Variants in NACC2 observed in about 807,000 individuals in gnomAD.
The protein encoded by NACC2 is nucleus accumbens-associated protein 2.
In NACC2, 8 loss-of-function variants were observed where a neutral mutation model predicts 25.1. That is an observed-to-expected ratio of 0.32 (90% CI 0.19 to 0.57). The LOEUF is 0.57. Ranked by LOEUF, NACC2 falls within the 20% of genes least tolerant of loss-of-function variation. The pLI, the probability that NACC2 is intolerant of heterozygous loss-of-function variation, is 0.89. For missense variants in NACC2, 644 were observed against 650.2 expected, an observed-to-expected ratio of 0.99 and a Z score of 0.10; for synonymous variants, 435 against 294.7, an observed-to-expected ratio of 1.48 and a Z score of -4.88.
intron 1 of NACC2, among the ~76,000 whole-genome samples, chr9:136,076,093 C>G (rs1055192849): frequency 2.1e-4 from 32 of 152,174 alleles, no homozygotes; most frequent in African/African-American, 7.7e-4. Context: ...AAACAGGCAC[C>G]CTTCGCGGCC....
At chr9:136,094,705 G>A (rs1331513354) in intron 1 of NACC2, among the ~76,000 whole-genome samples, 3 of 151,866 alleles carry the variant, frequency 2.0e-5, no homozygotes, top group African/African-American at 7.3e-5. Flanking sequence ...GGCCCGGCTG[G>A]GCCAGGCAGC....
chr9:136,050,679 A>G, intron 1 of NACC2, 99 bp from the exon 2 acceptor site: 2 of 639,898 alleles, frequency 3.1e-6, no homozygotes. Flanking sequence ...GGGGCTTACA[A>G]AGAGCGAGCC....
chr9:136,016,784 G>A (rs1206261228), intron 2 of NACC2, among the ~76,000 whole-genome samples: 2 of 152,218 alleles, frequency 1.3e-5, no homozygotes, highest in Non-Finnish European at 2.9e-5. Context: ...CCGGGCAGGA[G>A]TGACAGCTCA....
chr9:136,024,546 GAGGACAGTGTGTGTA>G (rs1840358665), intron 2 of NACC2, among the ~76,000 whole-genome samples: 2 of 129,804 alleles, frequency 1.5e-5, no homozygotes, highest in African/African-American at 5.6e-5. Context: ...CAGTGTGTGT[GAGGACAGTGTGTGTA>G]AGGACAGAGT....
chr9:136,075,900 C>T (rs1281638246), intron 1 of NACC2, among the ~76,000 whole-genome samples: 5 of 152,176 alleles, frequency 3.3e-5, no homozygotes, highest in African/African-American at 1.2e-4. Context: ...TACAAAGCGC[C>T]CAGGAGCAGC....
chr9:136,019,742 G>A lies in NACC2; in HGVS notation c.887-3313C>T, dbSNP rs1164815935. ...ACCACACGGGGCGAAGCAAACACAA[G>A]GACAAATGCTGCCCGGGGCGCGGGG... is the stretch of plus-strand genomic sequence containing the variant. On this transcript the variant is annotated intron_variant, in intron 2 of 5. Transcript: ENST00000277554. The surrounding 1 kb of genome is among the most constrained non-coding windows in gnomAD (Gnocchi z 5.2). 2.0e-5 allele frequency among the ~76,000 whole-genome samples: 3 copies of A among 152,270 alleles called. No homozygotes were observed. The East Asian group carries it at 5.8e-4, about 29-fold the overall frequency.
At chr9:136,064,023 T>C (rs771946911) in intron 1 of NACC2, among the ~76,000 whole-genome samples, 1 of 151,988 alleles carries the variant, frequency 6.6e-6, no homozygotes, top group Non-Finnish European at 1.5e-5. Context: ...GCGTGGTAAC[T>C]CAGGCCTATA....
intron 1 of NACC2, among the ~76,000 whole-genome samples, chr9:136,080,915 C>T (rs1402264430): frequency 1.3e-5 from 2 of 152,194 alleles, no homozygotes; most frequent in African/African-American, 4.8e-5. Context: ...AAGCCCCAGC[C>T]GCTCGAGTAG....
intron 2 of NACC2, among the ~76,000 whole-genome samples, chr9:136,044,263 C>G (rs1044482417): frequency 3.0e-4 from 46 of 152,174 alleles, no homozygotes; most frequent in Non-Finnish European, 6.3e-4. Context: ...CACCTGTAAT[C>G]GCAGCTTTTT....
rs1351107051 is a variant in NACC2, at chr9:136,018,923, C to A, written c.887-2494G>T. ...TTCCCCATCCACAACCACCTCGTCT[C>A]GAGATGTTTTTCTAAACAGCAGAAG... On this transcript the variant is annotated intron_variant, in intron 2 of 5. Transcript: ENST00000277554. This position sits in a 1 kb window ranked among gnomAD's most constrained non-coding sequence, Gnocchi z 4.4. Among the ~76,000 whole-genome samples, 1 of 152,154 alleles carries A rather than the reference C, an allele frequency of 6.6e-6. No individual in the cohort carries two copies. Among genetic ancestry groups the A allele is most frequent in the Non-Finnish European group, 1.5e-5 (1 of 68,026 alleles).
intron 1 of NACC2, among the ~76,000 whole-genome samples, chr9:136,089,771 CT>C (rs397789617): frequency 0.049 from 7,084 of 145,598 alleles, 521 homozygotes; most frequent in African/African-American, 0.17. Context: ...TTCTTAAAAG[CT>C]TTTTTTTTTT....
At chr9:136,063,867 G>A (rs10858214) in intron 1 of NACC2, among the ~76,000 whole-genome samples, 41,608 of 144,620 alleles carry the variant, frequency 0.29, 6,708 homozygotes, top group Non-Finnish European at 0.37. Context: ...CTGGGAAACA[G>A]AGCGAGACTC....
chr9:136,037,348 C>T (rs1036372002), intron 2 of NACC2, among the ~76,000 whole-genome samples: 13 of 151,918 alleles, frequency 8.6e-5, no homozygotes, highest in Non-Finnish European at 1.2e-4. Context: ...CTCAGCCTCC[C>T]GAGTAGCTGG....
intron 1 of NACC2, among the ~76,000 whole-genome samples, chr9:136,090,528 T>C (rs568021346): frequency 1.2e-3 from 186 of 152,134 alleles, no homozygotes; most frequent in Non-Finnish European, 2.3e-3. Context: ...GGGTGGGGGC[T>C]GGGTTGCTAG....
chr9:136,094,878 C>T (rs550705816), intron 1 of NACC2, among the ~76,000 whole-genome samples: 35 of 150,978 alleles, frequency 2.3e-4, no homozygotes, highest in African/African-American at 6.5e-4. Context: ...GGGAGCGCCC[C>T]GGGACGCCCG....
chr9:136,039,609 G>A (rs908335471), intron 2 of NACC2, among the ~76,000 whole-genome samples: 2 of 152,144 alleles, frequency 1.3e-5, no homozygotes, highest in African/African-American at 4.8e-5. Context: ...AGCAATATAT[G>A]TAAACACTGT....
chr9:136,009,960 C>T lies in NACC2; in HGVS notation c.*1556G>A, dbSNP rs1407615474. 6.6e-6 allele frequency: 1 copy of T among 152,182 alleles called. No homozygotes were observed. Among genetic ancestry groups the T allele is most frequent in the Non-Finnish European group, 1.5e-5 (1 of 68,078 alleles). 9.4% of individuals were successfully genotyped at this position (152,182 alleles called of 1,614,324 possible). Reference sequence around the variant, plus strand: ...TCAAGTCTTGGGATGGGGGGTTCTTCTGGCCACACCTGGGAAGGAGGGCTG... The same window carrying T: ...TCAAGTCTTGGGATGGGGGGTTCTTTTGGCCACACCTGGGAAGGAGGGCTG... On this transcript the variant is annotated 3_prime_UTR_variant, in exon 6 of 6. Transcript: ENST00000277554.
rs562029761 is a variant in NACC2 at position 136,092,687 on chromosome 9, C to T, written c.-60+2502G>A. Among the ~76,000 whole-genome samples, 9 of 152,284 alleles carry T rather than the reference C, an allele frequency of 5.9e-5. No homozygotes were observed. In the South Asian group the frequency reaches 1.5e-3, roughly 25 times the overall value. Reference sequence around the variant, plus strand: ...CTACCAAGGTGAAGGTGGACTGGGCCGGAGGAGCAGCAGAGTCAGGGGGCC... The same window carrying T: ...CTACCAAGGTGAAGGTGGACTGGGCTGGAGGAGCAGCAGAGTCAGGGGGCC... On this transcript the variant is annotated intron_variant, in intron 1 of 5. Transcript: ENST00000277554.
chr9:136,031,324 CTCATTCATTCAT>C (rs140651085), intron 2 of NACC2, among the ~76,000 whole-genome samples: 3 of 150,704 alleles, frequency 2.0e-5, no homozygotes, highest in Admixed American at 1.3e-4. Context: ...ACTCCACAGC[CTCATTCATTCAT>C]TCATTCATTC....
Sources: gnomAD v4.1 joint callset for allele counts (sites outside exome capture counted in the v4.1 genomes callset) on GRCh38, gnomAD v4.1.1 for gene constraint, Gnocchi (gnomAD v3.1) non-coding constraint, MANE v1.5 for transcripts, NCBI Gene and HGNC (gene_info 2026-07-23, HGNC 2026-07-21) for gene names.